Variants in ABCD2 observed in about 807,000 individuals in gnomAD.
ABCD2 encodes ATP binding cassette subfamily D member 2.
A neutral mutation model predicts 70.9 loss-of-function variants in ABCD2; 36 were observed. The observed-to-expected ratio is 0.51, with a 90% CI of 0.39 to 0.67. The LOEUF (loss-of-function observed/expected upper bound fraction) is 0.67. Among genes scored for constraint, ABCD2 ranks in the 30% least tolerant of loss-of-function variants. The pLI, the probability that ABCD2 is intolerant of heterozygous loss-of-function variation, is 0.00. For synonymous variants in ABCD2, 304 were observed against 306.9 expected, an observed-to-expected ratio of 0.99 and a Z score of 0.10; for missense variants, 729 against 890.2, an observed-to-expected ratio of 0.82 and a Z score of 2.30.
chr12:39,594,837 C>G (rs7134015), intron 6 of ABCD2, among the ~76,000 whole-genome samples: 41,632 of 151,756 alleles, frequency 0.27, 7,907 homozygotes, highest in African/African-American at 0.55. Flanking sequence ...CTCTGGGTTT[C>G]GTGGTGGGCG....
intron 9 of ABCD2, among the ~76,000 whole-genome samples, chr12:39,560,254 T>C (rs1566532065): frequency 6.6e-6 from 1 of 152,162 alleles, no homozygotes; most frequent in African/African-American, 2.4e-5. Context: ...AGTGAGAACA[T>C]GTGGTGTTTG....
intron 4 of ABCD2, 69 bp downstream of exon 4, chr12:39,604,693 T>C: frequency 7.7e-7 from 1 of 1,291,294 alleles, no homozygotes; most frequent in Admixed American, 2.6e-5. Context: ...AAAAGCTACC[T>C]TCTTAAACTT....
At chr12:39,573,411 G>A (rs1941474951) in intron 9 of ABCD2, among the ~76,000 whole-genome samples, 1 of 151,864 alleles carries the variant, frequency 6.6e-6, no homozygotes, top group Non-Finnish European at 1.5e-5. Context: ...AAAGAATGAT[G>A]TACAAATATA....
At chr12:39,575,260 GA>G (rs1176154975) in intron 8 of ABCD2, among the ~76,000 whole-genome samples, 1 of 152,046 alleles carries the variant, frequency 6.6e-6, no homozygotes, top group Non-Finnish European at 1.5e-5. Context: ...TTTAGAATTA[GA>G]AAAATGTATG....
chr12:39,555,806 G>A (rs896690260), intron 9 of ABCD2, among the ~76,000 whole-genome samples: 3 of 152,046 alleles, frequency 2.0e-5, no homozygotes, highest in African/African-American at 4.8e-5. Context: ...GCATCACCAC[G>A]AACCAACAAA....
chr12:39,569,082 A>C (rs969295855), intron 9 of ABCD2, among the ~76,000 whole-genome samples: 3 of 152,172 alleles, frequency 2.0e-5, no homozygotes, highest in Admixed American at 6.5e-5. Context: ...TCAGGGACCC[A>C]CTTGAGGAGG....
intron 9 of ABCD2, 33 bp downstream of exon 9, chr12:39,573,683 C>T: frequency 6.3e-7 from 1 of 1,579,912 alleles, no homozygotes; most frequent in Non-Finnish European, 8.6e-7. Flanking sequence ...AAGGAAAAAC[C>T]ATCTACCACA....
At chr12:39,567,986 GAT>G in intron 9 of ABCD2, among the ~76,000 whole-genome samples, 3 of 151,804 alleles carry the variant, frequency 2.0e-5, no homozygotes, top group African/African-American at 7.3e-5. Flanking sequence ...AGTTTCTGCT[GAT>G]AGATCAGCTG....
the ABCD2 span, among the ~76,000 whole-genome samples, chr12:39,543,542 G>C: frequency 2.0e-5 from 3 of 152,164 alleles, no homozygotes; most frequent in African/African-American, 7.2e-5. Context: ...TTTGGGACTG[G>C]AGAAACGGAA....
At chr12:39,584,437 T>C (rs548043331) in intron 7 of ABCD2, among the ~76,000 whole-genome samples, 1 of 152,280 alleles carries the variant, frequency 6.6e-6, no homozygotes, top group East Asian at 1.9e-4. Context: ...AGATGCATAA[T>C]TTGCAAATAC....
At chr12:39,613,732 T>G (rs1239947147) in intron 2 of ABCD2, among the ~76,000 whole-genome samples, 1 of 152,222 alleles carries the variant, frequency 6.6e-6, no homozygotes, top group Non-Finnish European at 1.5e-5. Flanking sequence ...TGTGTGACTT[T>G]AGGCAAAGCT....
chr12:39,541,713 G>T, the ABCD2 span, among the ~76,000 whole-genome samples: 1 of 152,208 alleles, frequency 6.6e-6, no homozygotes, highest in Admixed American at 6.5e-5. Flanking sequence ...GTTCACAGCA[G>T]TATGCTCCTC....
At chr12:39,588,249 A>G (rs1157958029) in intron 6 of ABCD2, among the ~76,000 whole-genome samples, 1 of 152,214 alleles carries the variant, frequency 6.6e-6, no homozygotes, top group African/African-American at 2.4e-5. Context: ...CAGTAATGCA[A>G]TAAATTCAAT....
downstream of ABCD2, among the ~76,000 whole-genome samples, chr12:39,548,270 A>G (rs1220221138): frequency 6.6e-6 from 1 of 152,092 alleles, no homozygotes; most frequent in Non-Finnish European, 1.5e-5. Flanking sequence ...AGACTAAACT[A>G]TGATGTTTGG....
chr12:39,587,016 G>C (rs1591984515), intron 6 of ABCD2, among the ~76,000 whole-genome samples: 3 of 152,260 alleles, frequency 2.0e-5, no homozygotes, highest in Admixed American at 2.0e-4. Context: ...TTACAGAGGG[G>C]ATTTGGCAAA....
intron 7 of ABCD2, among the ~76,000 whole-genome samples, chr12:39,580,952 G>T (rs1941588204): frequency 6.6e-6 from 1 of 152,124 alleles, no homozygotes; most frequent in African/African-American, 2.4e-5. Context: ...TGATTCTTTT[G>T]CTGGTGAGAA....
chr12:39,555,388 C>A (rs1941149067), intron 9 of ABCD2, among the ~76,000 whole-genome samples: 1 of 152,160 alleles, frequency 6.6e-6, no homozygotes, highest in South Asian at 2.1e-4. Flanking sequence ...CAGTGATCAT[C>A]CGCTTGCAGG....
At chr12:39,594,712 G>A (rs1164236264) in intron 6 of ABCD2, among the ~76,000 whole-genome samples, 4 of 152,158 alleles carry the variant, frequency 2.6e-5, no homozygotes, top group East Asian at 1.9e-4. Context: ...AGTGGCTCAC[G>A]TGTTTAATCC....
intron 2 of ABCD2, 33 bp from the exon 3 acceptor site, chr12:39,607,747 T>A: frequency 1.9e-6 from 2 of 1,028,566 alleles, no homozygotes; most frequent in South Asian, 1.6e-5. Context: ...AAACTTGAGT[T>A]TTTTTTTTTT....
Sources: gnomAD v4.1 joint callset for allele counts (sites outside exome capture counted in the v4.1 genomes callset) on GRCh38, gnomAD v4.1.1 for gene constraint, MANE v1.5 for transcripts, NCBI Gene and HGNC (gene_info 2026-07-23, HGNC 2026-07-21) for gene names.